Variants in DCP1A observed in about 807,000 individuals in gnomAD.
DCP1A encodes mRNA-decapping enzyme 1A.
Under a neutral mutation model 58.0 loss-of-function variants are expected in DCP1A, and 20 were observed. That is an observed-to-expected ratio of 0.34 (90% CI 0.24 to 0.50). DCP1A has a LOEUF of 0.50. Ranked by LOEUF, DCP1A falls within the 20% of genes least tolerant of loss-of-function variation. The pLI is 0.98. For synonymous variants in DCP1A, 285 were observed against 275.1 expected (o/e 1.04, Z -0.36); for missense variants, 613 against 712.2 (o/e 0.86, Z 1.59).
intron 5 of DCP1A, among the ~76,000 whole-genome samples, chr3:53,305,753 G>A (rs12637463): frequency 3.3e-5 from 5 of 151,962 alleles, no homozygotes; most frequent in African/African-American, 9.7e-5. Context: ...ATTTTACATC[G>A]ATGACACATT....
Position 53,319,390 on chromosome 3 carries a change from T to C in DCP1A, c.371+17A>G. On this transcript the variant is annotated intron_variant, in intron 4 of 9. Transcript: ENST00000610213. ...TCTCACATATCATCAGTTAAATTTA[T>C]GGAGTAATATACTTACTCAGCCATG... 1 of 1,456,216 alleles carries C rather than the reference T, an allele frequency of 6.9e-7. No individual in the cohort carries two copies. Among genetic ancestry groups the C allele is most frequent in the Non-Finnish European group, 9.4e-7 (1 of 1,067,512 alleles). 90.2% of individuals were successfully genotyped at this position (1,456,216 alleles called of 1,614,324 possible).
At chr3:53,300,682 T>G (rs536699784) in intron 6 of DCP1A, among the ~76,000 whole-genome samples, 2 of 152,136 alleles carry the variant, frequency 1.3e-5, no homozygotes, top group East Asian at 1.9e-4. Context: ...GGGTCTCCCT[T>G]GGTCGCCCAG....
chr3:53,316,996 T>C (rs531073873), intron 4 of DCP1A, among the ~76,000 whole-genome samples: 8 of 152,214 alleles, frequency 5.3e-5, no homozygotes, highest in Admixed American at 2.0e-4. Flanking sequence ...TAAACGGTTT[T>C]CTTTCAATAG....
At chr3:53,342,345 T>C (rs2089220906) in intron 2 of DCP1A, 74 bp from the exon 3 acceptor site, 2 of 1,118,448 alleles carry the variant, frequency 1.8e-6, no homozygotes, top group Non-Finnish European at 2.5e-6. Context: ...CTATGTACTT[T>C]ATTTTCATTT....
intron 5 of DCP1A, among the ~76,000 whole-genome samples, chr3:53,311,853 G>C (rs1553688672): frequency 6.6e-6 from 1 of 151,728 alleles, no homozygotes; most frequent in Non-Finnish European, 1.5e-5. Context: ...TATAGGAATA[G>C]AAAAAAGCAT....
In DCP1A at chr3:53,323,349, C is replaced by T. The variant is rs143006170; in HGVS notation, c.305-3876G>A. 4.7e-3 allele frequency among the ~76,000 whole-genome samples: 716 copies of T among 152,304 alleles called. 6 individuals carry two copies. The highest frequency in any genetic ancestry group is 0.015 in the African/African-American group (636 of 41,560). On this transcript the variant is annotated intron_variant, in intron 3 of 9. Transcript: ENST00000610213. ...ATTATCTACTGCAGGTTCTTAGTTA[C>T]GCTCTTAGCGGCTAAGGCTTGCTCT... is the stretch of plus-strand genomic sequence containing the variant.
At chr3:53,293,555 C>T (rs965417751) in intron 6 of DCP1A, among the ~76,000 whole-genome samples, 1 of 152,126 alleles carries the variant, frequency 6.6e-6, no homozygotes, top group Non-Finnish European at 1.5e-5. Flanking sequence ...ACAGTTCTCA[C>T]AGAGCTTACA....
intron 3 of DCP1A, among the ~76,000 whole-genome samples, chr3:53,339,218 A>G (rs891261409): frequency 1.3e-5 from 2 of 152,176 alleles, no homozygotes; most frequent in South Asian, 4.1e-4. Flanking sequence ...AGGGCTTAAC[A>G]CTCACAAAAT....
chr3:53,313,826 C>T (rs1445968641), intron 4 of DCP1A, among the ~76,000 whole-genome samples: 3 of 151,552 alleles, frequency 2.0e-5, no homozygotes, highest in Non-Finnish European at 4.4e-5. Flanking sequence ...ACAGAGATGG[C>T]TTTTTTATTT....
intron 6 of DCP1A, among the ~76,000 whole-genome samples, chr3:53,296,600 A>C (rs1426352403): frequency 1.3e-5 from 2 of 152,248 alleles, no homozygotes; most frequent in African/African-American, 2.4e-5. Context: ...TAAAATATAC[A>C]TAAAACTTAC....
chr3:53,294,902 T>C (rs1156520320), intron 6 of DCP1A, among the ~76,000 whole-genome samples: 1 of 152,224 alleles, frequency 6.6e-6, no homozygotes, highest in Non-Finnish European at 1.5e-5. Flanking sequence ...AATCCTTGCC[T>C]TTCTTGCTCT....
intron 3 of DCP1A, among the ~76,000 whole-genome samples, chr3:53,332,788 C>T (rs1425554030): frequency 1.3e-5 from 2 of 151,888 alleles, no homozygotes; most frequent in African/African-American, 4.8e-5. Context: ...TGGCGTGAAC[C>T]CGGGTCGTGG....
intron 6 of DCP1A, among the ~76,000 whole-genome samples, chr3:53,294,370 G>T (rs944793855): frequency 1.3e-5 from 2 of 152,136 alleles, no homozygotes; most frequent in Admixed American, 6.5e-5. Flanking sequence ...GAGCCTAGAG[G>T]ACACCCTGGT....
rs576373866 is a variant in DCP1A at position 53,286,458 on chromosome 3, T to C, written c.*1122A>G. ...CCATTACATGCCATAAAAGAATAAATAGAAATCATGGCAGATCAATAGCAG... is the reference window on the plus strand; with the variant it reads ...CCATTACATGCCATAAAAGAATAAACAGAAATCATGGCAGATCAATAGCAG... On this transcript the variant is annotated 3_prime_UTR_variant, in exon 10 of 10. Transcript: ENST00000610213. 11 of 152,254 alleles carry C rather than the reference T, an allele frequency of 7.2e-5. No homozygotes were observed. The highest frequency in any genetic ancestry group is 1.9e-4 in the African/African-American group (8 of 41,562). The allele number at this position is 152,254 out of a possible 1,614,324, so 9.4% of individuals were successfully genotyped here.
chr3:53,325,132 T>C (rs1342110618), intron 3 of DCP1A, among the ~76,000 whole-genome samples: 1 of 152,234 alleles, frequency 6.6e-6, no homozygotes, highest in Non-Finnish European at 1.5e-5. Flanking sequence ...CGTTTAAAGA[T>C]ATAGCAACCT....
At chr3:53,298,486 G>C (rs1707203909) in intron 6 of DCP1A, among the ~76,000 whole-genome samples, 1 of 152,172 alleles carries the variant, frequency 6.6e-6, no homozygotes, top group African/African-American at 2.4e-5. Context: ...TACTATGTGG[G>C]AGGCGATATG....
At chr3:53,306,027 A>C (rs1488245295) in intron 5 of DCP1A, among the ~76,000 whole-genome samples, 1 of 152,242 alleles carries the variant, frequency 6.6e-6, no homozygotes, top group South Asian at 2.1e-4. Flanking sequence ...CACCAAAAAC[A>C]GTTCAGAAAA....
Position 53,287,280 on chromosome 3 carries a change from A to G in DCP1A, c.*300T>C. The G allele has an allele frequency of 4.1e-6, 1 of 245,200 alleles. No homozygotes were observed. The highest frequency in any genetic ancestry group is 7.6e-6 in the Non-Finnish European group (1 of 130,836). The allele number at this position is 245,200 out of a possible 1,614,324, so 15.2% of individuals were successfully genotyped here. On this transcript the variant is annotated 3_prime_UTR_variant, in exon 10 of 10. Transcript: ENST00000610213. ...AAGCAAGCTGAGAATCTGACTCCTTATTCCACAGCCTTGCTCCTAGCTGAT... is the reference window on the plus strand; with the variant it reads ...AAGCAAGCTGAGAATCTGACTCCTTGTTCCACAGCCTTGCTCCTAGCTGAT...
intron 3 of DCP1A, among the ~76,000 whole-genome samples, chr3:53,331,748 C>T (rs954694361): frequency 6.6e-6 from 1 of 152,142 alleles, no homozygotes; most frequent in Non-Finnish European, 1.5e-5. Flanking sequence ...ATTCTTGGGG[C>T]ATTTTGTAAT....
Sources: gnomAD v4.1 joint callset for allele counts (sites outside exome capture counted in the v4.1 genomes callset) on GRCh38, gnomAD v4.1.1 for gene constraint, MANE v1.5 for transcripts, NCBI Gene and HGNC (gene_info 2026-07-23, HGNC 2026-07-21) for gene names.